The following GRIP1 variants were observed in gnomAD, a reference collection of about 807,000 sequenced individuals.
The protein encoded by GRIP1 is glutamate receptor interacting protein 1.
In GRIP1, 45 loss-of-function variants were observed where a neutral mutation model predicts 129.9. The observed-to-expected ratio is 0.35, with a 90% CI of 0.27 to 0.44. The LOEUF is 0.44. Ranked by LOEUF, GRIP1 falls within the 20% of genes least tolerant of loss-of-function variation. The pLI is 1.00. For synonymous variants in GRIP1, 530 were observed against 520.8 expected (o/e 1.02, Z -0.24); for missense variants, 1,196 against 1,396.8 (o/e 0.86, Z 2.29).
At chr12:67,017,628 T>C (rs994212011) in intron 1 of GRIP1, among the ~76,000 whole-genome samples, 1 of 152,090 alleles carries the variant, frequency 6.6e-6, no homozygotes, top group Non-Finnish European at 1.5e-5. Context: ...GGCCCTGTAA[T>C]TTGTCTTGAC....
At chr12:66,898,998 C>A (rs918577256) in intron 1 of GRIP1, among the ~76,000 whole-genome samples, 1 of 152,132 alleles carries the variant, frequency 6.6e-6, no homozygotes, top group African/African-American at 2.4e-5. Context: ...TATCTTCTTA[C>A]AGCAGGGGCA....
At chr12:66,880,444 A>G (rs2040459054) in intron 1 of GRIP1, among the ~76,000 whole-genome samples, 1 of 152,126 alleles carries the variant, frequency 6.6e-6, no homozygotes, top group Admixed American at 6.6e-5. Flanking sequence ...TCATTGGTCA[A>G]CACTCACATT....
intron 1 of GRIP1, among the ~76,000 whole-genome samples, chr12:67,005,187 C>T (rs557825301): frequency 1.8e-4 from 28 of 152,194 alleles, no homozygotes; most frequent in African/African-American, 6.3e-4. Flanking sequence ...CTGCCCTCTC[C>T]CCTTCATAAC....
At chr12:66,537,940 A>G (rs575516993) in intron 4 of GRIP1, among the ~76,000 whole-genome samples, 2 of 152,336 alleles carry the variant, frequency 1.3e-5, no homozygotes, top group Admixed American at 6.5e-5. Context: ...GATTATAGCA[A>G]TTCCTCCTTA....
chr12:66,981,974 T>C (rs1406445316), intron 1 of GRIP1, among the ~76,000 whole-genome samples: 1 of 152,210 alleles, frequency 6.6e-6, no homozygotes, highest in Non-Finnish European at 1.5e-5. Context: ...GCTGTTACCT[T>C]TGAGGAAACT....
chr12:66,413,917 T>A (rs1255590476), intron 15 of GRIP1, among the ~76,000 whole-genome samples: 1 of 152,118 alleles, frequency 6.6e-6, no homozygotes, highest in Non-Finnish European at 1.5e-5. Context: ...TTAAAAACTC[T>A]CAATAATCTC....
chr12:66,419,531 G>A (rs1419631608), intron 15 of GRIP1, among the ~76,000 whole-genome samples: 2 of 152,168 alleles, frequency 1.3e-5, no homozygotes, highest in Non-Finnish European at 2.9e-5. Flanking sequence ...ACTGTGCATT[G>A]CATGCCTTAT....
intron 1 of GRIP1, among the ~76,000 whole-genome samples, chr12:66,879,051 T>G (rs776595993): frequency 1.1e-4 from 17 of 151,942 alleles, no homozygotes; most frequent in Non-Finnish European, 2.4e-4. Flanking sequence ...TACTACATAA[T>G]GTTTATGATT....
At chr12:66,676,307 T>C (rs2034325564) in intron 1 of GRIP1, among the ~76,000 whole-genome samples, 2 of 152,122 alleles carry the variant, frequency 1.3e-5, no homozygotes, top group African/African-American at 4.8e-5. Context: ...TAGAAAATTG[T>C]TTCCCTTTTA....
chr12:66,436,761 T>C lies in GRIP1; in HGVS notation c.1688-4133A>G, dbSNP rs185010998. Among the ~76,000 whole-genome samples, 154 of 152,138 alleles carry C rather than the reference T, an allele frequency of 1.0e-3. 1 individual carries two copies. In the East Asian group the frequency reaches 0.026, roughly 25 times the overall value. ...ACTTTGGGAGGCTGAGGCAGGCGGA[T>C]TGCCTGAGCTCAGGAGTTTGAGACC... On this transcript the variant is annotated intron_variant, in intron 13 of 24. Coordinates refer to ENST00000359742, the MANE Select transcript of GRIP1 (RefSeq NM_001366722.1).
chr12:66,553,897 AG>A (rs2062228246), intron 2 of GRIP1, among the ~76,000 whole-genome samples: 1 of 152,060 alleles, frequency 6.6e-6, no homozygotes, highest in Non-Finnish European at 1.5e-5. Flanking sequence ...CCATCCCAGC[AG>A]TTGCCATGTG....
At chr12:66,595,042 A>C (rs1414812451) in intron 2 of GRIP1, among the ~76,000 whole-genome samples, 1 of 152,168 alleles carries the variant, frequency 6.6e-6, no homozygotes, top group Non-Finnish European at 1.5e-5. Flanking sequence ...GGCTGGTGCA[A>C]TCTTTTTTCT....
intron 4 of GRIP1, among the ~76,000 whole-genome samples, chr12:66,535,253 A>C (rs1234427346): frequency 7.2e-5 from 11 of 152,182 alleles, no homozygotes; most frequent in Admixed American, 7.2e-4. Flanking sequence ...TCCCCAGAGG[A>C]ATACAGATGT....
intron 1 of GRIP1, among the ~76,000 whole-genome samples, chr12:66,838,885 T>C (rs1011571390): frequency 2.0e-5 from 3 of 152,186 alleles, no homozygotes; most frequent in African/African-American, 4.8e-5. Flanking sequence ...CAGACTTCTA[T>C]GTAGCCAATT....
chr12:66,937,524 A>G (rs1353499121), intron 1 of GRIP1, among the ~76,000 whole-genome samples: 1 of 152,228 alleles, frequency 6.6e-6, no homozygotes, highest in Non-Finnish European at 1.5e-5. Flanking sequence ...TTAATTAAGT[A>G]ATACACAAGC....
rs1319533864 is a variant in GRIP1, at chr12:66,788,777, TC to T, written c.-420+15275del. Among the ~76,000 whole-genome samples, 3 of 152,044 alleles carry T rather than the reference TC, an allele frequency of 2.0e-5. No individual in the cohort carries two copies. The East Asian group carries it at 5.8e-4, about 29-fold the overall frequency. On this transcript the variant is annotated intron_variant, in intron 1 of 4. Transcript: ENST00000538373. ...GAGCTTAGAAGGGATCCCTCCCCAT[TC>T]CAGCCGAGAGATGATTGTAGCCCCA...
At chr12:66,948,028 T>C (rs1360560002) in intron 1 of GRIP1, among the ~76,000 whole-genome samples, 1 of 152,204 alleles carries the variant, frequency 6.6e-6, no homozygotes, top group Admixed American at 6.5e-5. Flanking sequence ...AGTGGGTTCA[T>C]CTGCTCGGCA....
intron 7 of GRIP1, among the ~76,000 whole-genome samples, chr12:66,486,347 G>T (rs928023750): frequency 3.3e-5 from 5 of 151,898 alleles, no homozygotes; most frequent in Admixed American, 6.6e-5. Context: ...GGTCTCAATG[G>T]TGTCCCATGT....
At chr12:66,485,243 C>T (rs967200230) in intron 7 of GRIP1, among the ~76,000 whole-genome samples, 1 of 152,106 alleles carries the variant, frequency 6.6e-6, no homozygotes, top group Non-Finnish European at 1.5e-5. Context: ...GTAGTGGTAT[C>T]ACACTGTGTT....
Sources: gnomAD v4.1 joint callset for allele counts (sites outside exome capture counted in the v4.1 genomes callset) on GRCh38, gnomAD v4.1.1 for gene constraint, MANE v1.5 for transcripts, NCBI Gene and HGNC (gene_info 2026-07-23, HGNC 2026-07-21) for gene names.